FA2H: variants seen among roughly 807,000 people sequenced by gnomAD.
The protein encoded by FA2H is fatty acid alpha-hydroxylase.
FA2H carries 22 observed loss-of-function variants against 44.9 expected under a neutral mutation model. That is an observed-to-expected ratio of 0.49 (90% CI 0.35 to 0.70). The LOEUF (loss-of-function observed/expected upper bound fraction) is 0.70. Ranked by LOEUF, FA2H falls within the 30% of genes least tolerant of loss-of-function variation. The pLI is 0.01. For synonymous variants in FA2H, 243 were observed against 213.2 expected (o/e 1.14, Z -1.22); for missense variants, 501 against 504.9 (o/e 0.99, Z 0.07).
intron 1 of FA2H, among the ~76,000 whole-genome samples, chr16:74,741,950 A>C (rs1010432338): frequency 2.7e-5 from 4 of 150,816 alleles, no homozygotes; most frequent in Non-Finnish European, 4.4e-5. Flanking sequence ...AAATGCCTTA[A>C]ATATCCAATA....
At chr16:74,739,132 C>A (rs943353834) in intron 2 of FA2H, among the ~76,000 whole-genome samples, 1 of 152,204 alleles carries the variant, frequency 6.6e-6, no homozygotes, top group Admixed American at 6.5e-5. Flanking sequence ...CATGCCACCT[C>A]CTGGGGTAAT....
At position 74,726,306 on chromosome 16, in the gene FA2H, G is replaced by A. The variant is rs749744896; in HGVS notation, c.532C>T (p.Pro178Ser). 1 of 1,613,844 alleles carries A rather than the reference G, an allele frequency of 6.2e-7. No individual in the cohort carries two copies. The highest frequency in any genetic ancestry group is 1.7e-4 in the Middle Eastern group (1 of 6,060). ...VWYSVPIIWVPLVLYLSWSYY... is the reference protein window; with the variant it reads ...VWYSVPIIWVSLVLYLSWSYY... ...GACCAGCTGAGATACAGCACCAGGG[G>A]CACCCAGATGATGGGGACACTGTAC... Residue 178 changes from proline (P) to serine (S), a missense_variant, in exon 4 of 7, where the codon CCC (proline) becomes TCC (serine). Coordinates refer to ENST00000219368, the MANE Select transcript of FA2H (RefSeq NM_024306.5).
At chr16:74,732,225 C>T (rs757261327) in intron 2 of FA2H, among the ~76,000 whole-genome samples, 9 of 152,106 alleles carry the variant, frequency 5.9e-5, no homozygotes, top group Non-Finnish European at 1.0e-4. Flanking sequence ...GCATGTTACA[C>T]ATGACAGATA....
chr16:74,735,375 G>A lies in FA2H; in HGVS notation c.363+4648C>T, dbSNP rs143826434. On this transcript the variant is annotated intron_variant, in intron 2 of 6. Transcript: ENST00000219368. The stretch of plus-strand genomic sequence containing the variant: ...AGCTGAAGTCCACAGAGGTGGTTCC[G>A]GATCACCTGCCTCCTCCCCCTGAGC... 2.9e-3 allele frequency among the ~76,000 whole-genome samples: 444 copies of A among 152,242 alleles called. 2 individuals carry two copies. The highest frequency in any genetic ancestry group is 5.1e-3 in the Non-Finnish European group (348 of 68,000).
At chr16:74,718,841 TG>T (rs529199947) in intron 5 of FA2H, 146 bp downstream of exon 5, 1 of 930,236 alleles carries the variant, frequency 1.1e-6, no homozygotes, top group South Asian at 1.5e-5. Flanking sequence ...CCAACCCAGT[TG>T]CCCCGTGAGT....
intron 5 of FA2H, among the ~76,000 whole-genome samples, 198 bp downstream of exon 5, chr16:74,718,790 T>G (rs576724910): frequency 6.6e-6 from 1 of 152,332 alleles, no homozygotes; most frequent in East Asian, 1.9e-4. Context: ...AGCTTGATGC[T>G]GCACACCCAC....
chr16:74,764,821 A>G (rs755788270), intron 1 of FA2H, among the ~76,000 whole-genome samples: 1 of 152,196 alleles, frequency 6.6e-6, no homozygotes, highest in Non-Finnish European at 1.5e-5. Context: ...AAGACACCAG[A>G]AAGAGTAAAC....
At chr16:74,747,675 A>G (rs1340946354) in intron 1 of FA2H, among the ~76,000 whole-genome samples, 3 of 152,154 alleles carry the variant, frequency 2.0e-5, no homozygotes, top group South Asian at 2.1e-4. Context: ...AAGGATGGTC[A>G]AGAGCAGCTG....
At chr16:74,756,241 A>T (rs1171118842) in intron 1 of FA2H, among the ~76,000 whole-genome samples, 1 of 152,154 alleles carries the variant, frequency 6.6e-6, no homozygotes, top group African/African-American at 2.4e-5. Context: ...CAGGAAGAAT[A>T]AGCAGGACCC....
chr16:74,725,439 A>G (rs1961931170), intron 4 of FA2H, among the ~76,000 whole-genome samples: 1 of 152,168 alleles, frequency 6.6e-6, no homozygotes, highest in African/African-American at 2.4e-5. Flanking sequence ...TTAAACCCAC[A>G]GTCATCCTAA....
intron 6 of FA2H, among the ~76,000 whole-genome samples, chr16:74,715,282 C>T (rs921723625): frequency 2.0e-5 from 3 of 151,904 alleles, no homozygotes; most frequent in African/African-American, 4.8e-5. Flanking sequence ...ATAAGAGTTG[C>T]TAATTATTTT....
chr16:74,764,996 G>A lies in FA2H; in HGVS notation c.270+9490C>T, dbSNP rs543270589. Among the ~76,000 whole-genome samples, 16 of 152,220 alleles carry A rather than the reference G, an allele frequency of 1.1e-4. No homozygotes were observed. The South Asian group carries it at 1.5e-3, about 14-fold the overall frequency. Reference sequence around the variant, plus strand: ...AACCCCTGAAGGAGACTCATGGGACGGGTAGACTGTAAGAGCCTGCTAAGG... The same window carrying A: ...AACCCCTGAAGGAGACTCATGGGACAGGTAGACTGTAAGAGCCTGCTAAGG... On this transcript the variant is annotated intron_variant, in intron 1 of 6. Transcript: ENST00000219368.
rs56369290 is a variant in FA2H at position 74,764,832 on chromosome 16, A to T, written c.270+9654T>A. ...TGAAAAGACACCAGAAAGAGTAAAC[A>T]GGACTAGAAACCCAGGCAACCTGGG... On this transcript the variant is annotated intron_variant, in intron 1 of 6. Transcript: ENST00000219368. Among the ~76,000 whole-genome samples, 1,192 of 152,286 alleles carry T rather than the reference A, an allele frequency of 7.8e-3. 11 individuals carry two copies. Among genetic ancestry groups the T allele is most frequent in the African/African-American group, 0.027 (1,120 of 41,550 alleles).
At chr16:74,753,757 C>T (rs1373545043) in intron 1 of FA2H, among the ~76,000 whole-genome samples, 1 of 152,180 alleles carries the variant, frequency 6.6e-6, no homozygotes, top group Non-Finnish European at 1.5e-5. Context: ...TTCTTCTGTC[C>T]TTATCCTTCT....
At chr16:74,723,632 CTT>C (rs1961886370) in intron 4 of FA2H, among the ~76,000 whole-genome samples, 2 of 152,188 alleles carry the variant, frequency 1.3e-5, no homozygotes, top group African/African-American at 4.8e-5. Context: ...CCCATGGAGT[CTT>C]AGCTGGGCTG....
In FA2H at chr16:74,766,506, A is replaced by G. The variant is rs566716560; in HGVS notation, c.270+7980T>C. 3.9e-5 allele frequency among the ~76,000 whole-genome samples: 6 copies of G among 152,290 alleles called. No individual in the cohort carries two copies. In the South Asian group the frequency reaches 1.2e-3, roughly 32 times the overall value. On this transcript the variant is annotated intron_variant, in intron 1 of 6. Coordinates refer to ENST00000219368, the MANE Select transcript of FA2H (RefSeq NM_024306.5). The stretch of plus-strand genomic sequence containing the variant: ...TTAGGAGCCCTGCCATAACATGATC[A>G]AGTTCTCTTCAGAAAGGTTCAGAGA...
chr16:74,749,276 G>T (rs564018474), intron 1 of FA2H, among the ~76,000 whole-genome samples: 18 of 152,284 alleles, frequency 1.2e-4, no homozygotes, highest in Middle Eastern at 3.4e-3. Flanking sequence ...GTCAGGACCG[G>T]CCAGGAGCTG....
intron 5 of FA2H, 196 bp from the exon 6 acceptor site, chr16:74,716,795 T>G: frequency 1.7e-6 from 1 of 576,012 alleles, no homozygotes; most frequent in Non-Finnish European, 3.0e-6. Flanking sequence ...ACTTCCCATT[T>G]GTGAGCCAGG....
chr16:74,736,255 T>G (rs1270063926), intron 2 of FA2H, among the ~76,000 whole-genome samples: 1 of 152,130 alleles, frequency 6.6e-6, no homozygotes, highest in African/African-American at 2.4e-5. Flanking sequence ...ATGGACAGCC[T>G]TGGGGAGGCC....
Sources: gnomAD v4.1 joint callset for allele counts (sites outside exome capture counted in the v4.1 genomes callset) on GRCh38, gnomAD v4.1.1 for gene constraint, MANE v1.5 for transcripts, NCBI Gene and HGNC (gene_info 2026-07-23, HGNC 2026-07-21) for gene names.